The following TMEM163 variants were observed in gnomAD, a reference collection of about 807,000 sequenced individuals.
TMEM163 encodes transmembrane protein 163.
Under a neutral mutation model 29.3 loss-of-function variants are expected in TMEM163, and 17 were observed. The ratio of observed to expected loss-of-function variants is 0.58; its 90% CI spans 0.40 to 0.87. TMEM163 has a LOEUF of 0.87. Ranked by LOEUF, TMEM163 falls within the 40% of genes least tolerant of loss-of-function variation. TMEM163 has a pLI of 0.00. For synonymous variants in TMEM163, 157 were observed against 160.6 expected (o/e 0.98, Z 0.17); for missense variants, 303 against 381.5 (o/e 0.79, Z 1.71).
intron 2 of TMEM163, among the ~76,000 whole-genome samples, chr2:134,694,534 T>TA (rs1296479729): frequency 6.6e-6 from 1 of 152,284 alleles, no homozygotes; most frequent in Non-Finnish European, 1.5e-5. Context: ...TTGCTTTGGA[T>TA]AAAAAAATGG....
rs114036974 is a variant in TMEM163 at position 134,531,186 on chromosome 2, A to G, written c.458+19384T>C. ...CCAGTACCTACCTCCCTTGCTAGCAATGGGCAGAAAGAGGCAGTGGACAGA... is the reference window on the plus strand; with the variant it reads ...CCAGTACCTACCTCCCTTGCTAGCAGTGGGCAGAAAGAGGCAGTGGACAGA... On this transcript the variant is annotated intron_variant, in intron 4 of 7. Transcript: ENST00000281924. 6.9e-3 allele frequency among the ~76,000 whole-genome samples: 1,058 copies of G among 152,282 alleles called. 14 individuals are homozygous for G. The highest frequency in any genetic ancestry group is 0.024 in the African/African-American group (999 of 41,540).
chr2:134,522,446 A>G (rs1680208576), intron 4 of TMEM163, among the ~76,000 whole-genome samples: 1 of 152,258 alleles, frequency 6.6e-6, no homozygotes, highest in Non-Finnish European at 1.5e-5. Context: ...AGTCCCAGAA[A>G]CTAAGCCATC....
intron 2 of TMEM163, among the ~76,000 whole-genome samples, chr2:134,606,576 G>C (rs965098467): frequency 1.3e-5 from 2 of 152,190 alleles, no homozygotes; most frequent in African/African-American, 4.8e-5. Context: ...CCCTGGAAGA[G>C]TCGGGCTGGG....
chr2:134,514,162 T>G (rs1680005823), intron 4 of TMEM163, among the ~76,000 whole-genome samples: 1 of 152,094 alleles, frequency 6.6e-6, no homozygotes, highest in Non-Finnish European at 1.5e-5. Flanking sequence ...GAACAACATG[T>G]GGAGGGGGGC....
chr2:134,504,998 G>C (rs964436656), intron 4 of TMEM163, among the ~76,000 whole-genome samples: 1 of 152,146 alleles, frequency 6.6e-6, no homozygotes, highest in East Asian at 1.9e-4. Context: ...CTGTGCCAGG[G>C]ACCTGGAGTA....
intron 4 of TMEM163, among the ~76,000 whole-genome samples, chr2:134,508,592 T>C (rs1679878315): frequency 1.3e-5 from 2 of 152,074 alleles, no homozygotes. Flanking sequence ...TGAGCCATTC[T>C]CTCTTGTCTA....
At chr2:134,571,633 A>G (rs1044999446) in intron 2 of TMEM163, among the ~76,000 whole-genome samples, 1 of 152,218 alleles carries the variant, frequency 6.6e-6, no homozygotes, top group African/African-American at 2.4e-5. Flanking sequence ...TTATGACAGC[A>G]AAAGGATATA....
chr2:134,658,119 G>C (rs1381037386), intron 2 of TMEM163, among the ~76,000 whole-genome samples: 2 of 152,238 alleles, frequency 1.3e-5, no homozygotes, highest in Non-Finnish European at 2.9e-5. Flanking sequence ...AGGCTGGTCA[G>C]AGTGATCCAC....
chr2:134,586,676 C>T (rs2104798939), intron 2 of TMEM163, among the ~76,000 whole-genome samples: 1 of 152,306 alleles, frequency 6.6e-6, no homozygotes, highest in East Asian at 1.9e-4. Context: ...CATGACAGAG[C>T]TGTTGACAGA....
chr2:134,523,764 A>G (rs964444281), intron 4 of TMEM163, among the ~76,000 whole-genome samples: 8 of 152,052 alleles, frequency 5.3e-5, no homozygotes, highest in African/African-American at 1.9e-4. Flanking sequence ...GGGTCCTGAA[A>G]CCCAGCCTTA....
chr2:134,557,533 G>A (rs576521992), intron 2 of TMEM163, among the ~76,000 whole-genome samples: 19 of 152,282 alleles, frequency 1.2e-4, no homozygotes, highest in Admixed American at 8.5e-4. Context: ...ATATATATTC[G>A]TTCTGTTCGG....
At chr2:134,657,859 G>C (rs72970177) in intron 2 of TMEM163, among the ~76,000 whole-genome samples, 1 of 152,032 alleles carries the variant, frequency 6.6e-6, no homozygotes, top group Admixed American at 6.6e-5. Context: ...ACTAGAGGGC[G>C]TGGGCGGGAG....
At chr2:134,663,518 T>C (rs908391028) in intron 2 of TMEM163, among the ~76,000 whole-genome samples, 1 of 152,232 alleles carries the variant, frequency 6.6e-6, no homozygotes, top group Admixed American at 6.5e-5. Context: ...TAAAGATGTC[T>C]AGGAGCCATG....
At chr2:134,558,889 C>T (rs1031676258) in intron 2 of TMEM163, among the ~76,000 whole-genome samples, 6 of 152,146 alleles carry the variant, frequency 3.9e-5, no homozygotes, top group Admixed American at 2.0e-4. Flanking sequence ...TAAATCAATC[C>T]TACTTTAATT....
In TMEM163 at chr2:134,594,874, T is replaced by A. The variant is rs959633606; in HGVS notation, c.323-42783A>T. On this transcript the variant is annotated intron_variant, in intron 2 of 7. Transcript: ENST00000281924. The stretch of plus-strand genomic sequence containing the variant: ...GAGTCTCTCTCTCTCTCTCTCTCTC[T>A]CTCTCTCTACTTCTCTCTCTCTCCT... 3.9e-3 allele frequency among the ~76,000 whole-genome samples: 594 copies of A among 151,644 alleles called. 8 individuals carry two copies. The highest frequency in any genetic ancestry group is 0.014 in the African/African-American group (560 of 41,300).
chr2:134,560,967 G>C (rs539798207), intron 2 of TMEM163, among the ~76,000 whole-genome samples: 1 of 152,258 alleles, frequency 6.6e-6, no homozygotes, highest in South Asian at 2.1e-4. Context: ...AAAGACCCCA[G>C]CTTTTAATGA....
At chr2:134,493,362 C>CTT (rs1159013721) in intron 5 of TMEM163, among the ~76,000 whole-genome samples, 1,759 of 49,830 alleles carry the variant, frequency 0.035, 629 homozygotes, top group East Asian at 0.09. Flanking sequence ...CTTTTGGTGT[C>CTT]TTTTTTTTTT....
At chr2:134,546,621 G>A (rs1007140134) in intron 4 of TMEM163, among the ~76,000 whole-genome samples, 5 of 150,738 alleles carry the variant, frequency 3.3e-5, no homozygotes, top group African/African-American at 9.8e-5. Flanking sequence ...TCCAGCCTGG[G>A]TGACAGAGCC....
intron 2 of TMEM163, among the ~76,000 whole-genome samples, chr2:134,680,539 A>G (rs1471001024): frequency 6.6e-6 from 1 of 152,154 alleles, no homozygotes; most frequent in African/African-American, 2.4e-5. Context: ...TTTCTTATTA[A>G]CTAAATCATC....
Sources: allele counts gnomAD v4.1 joint callset (sites outside exome capture counted in the v4.1 genomes callset), GRCh38; gene constraint gnomAD v4.1.1; transcripts MANE v1.5; gene names NCBI Gene and HGNC (gene_info 2026-07-23, HGNC 2026-07-21).